Variants in NR3C2 observed in about 807,000 individuals in gnomAD.
NR3C2 encodes nuclear receptor subfamily 3 group C member 2.
In NR3C2, 15 loss-of-function variants were observed where a neutral mutation model predicts 86.4. The ratio of observed to expected loss-of-function variants is 0.17; its 90% CI spans 0.12 to 0.27. NR3C2 has a LOEUF of 0.27. Among genes scored for constraint, NR3C2 ranks in the 10% least tolerant of loss-of-function variants. The pLI, the probability that NR3C2 is intolerant of heterozygous loss-of-function variation, is 1.00. For synonymous variants in NR3C2, 458 were observed against 450.5 expected, an observed-to-expected ratio of 1.02 and a Z score of -0.21; for missense variants, 960 against 1,195.6, an observed-to-expected ratio of 0.80 and a Z score of 2.91.
At chr4:148,324,847 C>T (rs1233006018) in intron 2 of NR3C2, among the ~76,000 whole-genome samples, 4 of 152,172 alleles carry the variant, frequency 2.6e-5, no homozygotes, top group Admixed American at 1.3e-4. Context: ...ATCATCCTGC[C>T]TGCCTTAACA....
intron 2 of NR3C2, among the ~76,000 whole-genome samples, chr4:148,342,655 A>G (rs779736820): frequency 5.3e-5 from 8 of 152,188 alleles, no homozygotes; most frequent in Non-Finnish European, 1.0e-4. Flanking sequence ...TTAAACTGCT[A>G]TTAGCAGTGA....
At chr4:148,096,370 A>G (rs938643305) in intron 8 of NR3C2, among the ~76,000 whole-genome samples, 13 of 152,238 alleles carry the variant, frequency 8.5e-5, no homozygotes, top group Non-Finnish European at 1.5e-4. Flanking sequence ...TGAGCAAAGT[A>G]AAAATCTGAG....
chr4:148,412,822 C>CAT (rs1748774931), intron 2 of NR3C2, among the ~76,000 whole-genome samples: 1 of 10,390 alleles, frequency 9.6e-5, no homozygotes, highest in Non-Finnish European at 4.9e-4. Flanking sequence ...CACATGTGCG[C>CAT]ACACACACAC....
At chr4:148,280,989 T>C (rs1363192380) in intron 2 of NR3C2, among the ~76,000 whole-genome samples, 1 of 152,216 alleles carries the variant, frequency 6.6e-6, no homozygotes, top group Non-Finnish European at 1.5e-5. Flanking sequence ...AAAGAGAAAC[T>C]GAGTCCCAGT....
intron 2 of NR3C2, among the ~76,000 whole-genome samples, chr4:148,424,985 A>G (rs576538602): frequency 4.1e-4 from 62 of 152,160 alleles, no homozygotes; most frequent in Middle Eastern, 3.4e-3. Context: ...ATTACCAACT[A>G]CTGTATTATA....
intron 3 of NR3C2, among the ~76,000 whole-genome samples, chr4:148,246,674 C>G (rs950320058): frequency 1.3e-5 from 2 of 152,174 alleles, no homozygotes; most frequent in Non-Finnish European, 2.9e-5. Flanking sequence ...TTCTCAGCCT[C>G]CAGAGTAGCT....
Position 148,114,096 on chromosome 4 carries a change from C to G in NR3C2, c.2799+8G>C. ...TTCACTTAGGAACCAAGGAGGGGCTCTACTCACGTCATGCATGGAGTCCAG... is the reference window on the plus strand; with the variant it reads ...TTCACTTAGGAACCAAGGAGGGGCTGTACTCACGTCATGCATGGAGTCCAG... On this transcript the variant is annotated splice_region_variant and intron_variant, in intron 8 of 8. Coordinates refer to ENST00000358102, the MANE Select transcript of NR3C2 (RefSeq NM_000901.5). The G allele has an allele frequency of 6.2e-7, 1 of 1,612,732 alleles. No homozygotes were observed. Among genetic ancestry groups the G allele is most frequent in the South Asian group, 1.1e-5 (1 of 91,002 alleles).
chr4:148,386,205 A>G (rs962605265), intron 2 of NR3C2, among the ~76,000 whole-genome samples: 2 of 152,116 alleles, frequency 1.3e-5, no homozygotes, highest in East Asian at 3.9e-4. Flanking sequence ...CATGAAATTG[A>G]GGACTCCTCT....
At chr4:148,437,999 T>G (rs888142745) in intron 1 of NR3C2, among the ~76,000 whole-genome samples, 1 of 152,234 alleles carries the variant, frequency 6.6e-6, no homozygotes, top group Non-Finnish European at 1.5e-5. Context: ...TTGCATATAT[T>G]AATTCATTTA....
At chr4:148,258,115 G>C (rs1051080268) in intron 3 of NR3C2, among the ~76,000 whole-genome samples, 6 of 152,202 alleles carry the variant, frequency 3.9e-5, no homozygotes, top group Non-Finnish European at 7.3e-5. Flanking sequence ...CAAAATGTGG[G>C]TTCTGACATG....
chr4:148,129,064 G>A (rs967117089), intron 6 of NR3C2, among the ~76,000 whole-genome samples: 2 of 152,190 alleles, frequency 1.3e-5, no homozygotes, highest in Admixed American at 6.5e-5. Flanking sequence ...GCAGGCCATC[G>A]AGGGGATATT....
chr4:148,082,860 C>T (rs1033168038), intron 8 of NR3C2, among the ~76,000 whole-genome samples: 1 of 151,960 alleles, frequency 6.6e-6, no homozygotes, highest in Non-Finnish European at 1.5e-5. Context: ...TGAAGTCGAC[C>T]CGGGATGCTC....
intron 8 of NR3C2, among the ~76,000 whole-genome samples, chr4:148,103,617 A>C (rs765428383): frequency 6.6e-6 from 1 of 152,238 alleles, no homozygotes; most frequent in Non-Finnish European, 1.5e-5. Flanking sequence ...GCCTCTTTCC[A>C]ACAAGTTTGA....
intron 3 of NR3C2, chr4:148,207,881 A>G (rs982502605): frequency 4.6e-5 from 7 of 152,260 alleles, no homozygotes; most frequent in Admixed American, 1.3e-4. Context: ...TAGGAGATTA[A>G]TAACTAATAA....
chr4:148,329,473 CATT>C (rs746374040), intron 2 of NR3C2, among the ~76,000 whole-genome samples: 1 of 152,126 alleles, frequency 6.6e-6, no homozygotes, highest in Non-Finnish European at 1.5e-5. Context: ...CTTTCATTTA[CATT>C]ATTTACAGAT....
intron 2 of NR3C2, among the ~76,000 whole-genome samples, chr4:148,330,820 C>A (rs1361159595): frequency 6.6e-6 from 1 of 152,136 alleles, no homozygotes; most frequent in Non-Finnish European, 1.5e-5. Context: ...GGCTTGGCAC[C>A]ATTCCCTTGG....
At chr4:148,385,192 A>G (rs72656883) in intron 2 of NR3C2, among the ~76,000 whole-genome samples, 197 of 152,344 alleles carry the variant, frequency 1.3e-3, no homozygotes, top group African/African-American at 4.5e-3. Context: ...ATGAATGAAT[A>G]AATTCCCAAG....
At chr4:148,233,624 A>G (rs1453366880) in intron 3 of NR3C2, among the ~76,000 whole-genome samples, 3 of 152,054 alleles carry the variant, frequency 2.0e-5, no homozygotes, top group Middle Eastern at 3.2e-3. Flanking sequence ...CCTCCCAAAG[A>G]GCTCAACTCA....
chr4:148,155,543 A>T (rs1734333600), intron 4 of NR3C2, among the ~76,000 whole-genome samples: 1 of 152,164 alleles, frequency 6.6e-6, no homozygotes, highest in Non-Finnish European at 1.5e-5. Context: ...ATACCTAGGA[A>T]TCCAACTTAC....
Sources: gnomAD v4.1 joint callset for allele counts (sites outside exome capture counted in the v4.1 genomes callset) on GRCh38, gnomAD v4.1.1 for gene constraint, MANE v1.5 for transcripts, NCBI Gene and HGNC (gene_info 2026-07-23, HGNC 2026-07-21) for gene names.